SOX6: variants seen among roughly 807,000 people sequenced by gnomAD.
SOX6 encodes the protein SRY-box transcription factor 6.
In SOX6, 11 loss-of-function variants were observed where a neutral mutation model predicts 97.8. The ratio of observed to expected loss-of-function variants is 0.11; its 90% CI spans 0.07 to 0.19. The LOEUF (loss-of-function observed/expected upper bound fraction) is 0.19. SOX6 is among the 10% of genes least tolerant of loss of function. The probability of loss-of-function intolerance (pLI) is 1.00; values close to 1 mark genes in which losing one functional copy is unlikely to be tolerated. For synonymous variants in SOX6, 360 were observed against 371.4 expected (o/e 0.97, Z 0.35); for missense variants, 810 against 1,039.5 (o/e 0.78, Z 3.04).
Position 16,149,355 on chromosome 11 carries a change from A to G in SOX6, c.777+34531T>C, listed in dbSNP as rs374141119. ...CTTGGCAGCTGAACCAGCAGAAAAAAAAATATGCAATAAACAGATTTCCAA... is the reference window on the plus strand; with the variant it reads ...CTTGGCAGCTGAACCAGCAGAAAAAGAAATATGCAATAAACAGATTTCCAA... On this transcript the variant is annotated intron_variant, in intron 6 of 15. Transcript: ENST00000683767. 6.5e-4 allele frequency among the ~76,000 whole-genome samples: 99 copies of G among 152,278 alleles called. 1 individual carries two copies. The South Asian group carries it at 0.017, about 26-fold the overall frequency.
chr11:16,209,122 T>A (rs940212303), intron 4 of SOX6, among the ~76,000 whole-genome samples: 1 of 152,210 alleles, frequency 6.6e-6, no homozygotes, highest in African/African-American at 2.4e-5. Flanking sequence ...AATTGTAACA[T>A]AATGCCACTC....
At chr11:16,622,325 A>G (rs1005913973) in intron 3 of SOX6, among the ~76,000 whole-genome samples, 2 of 152,220 alleles carry the variant, frequency 1.3e-5, no homozygotes, top group African/African-American at 2.4e-5. Context: ...GGTTACATGA[A>G]TAAGTTCTTT....
chr11:16,539,991 C>T (rs1245168665), intron 4 of SOX6, among the ~76,000 whole-genome samples: 4 of 152,138 alleles, frequency 2.6e-5, no homozygotes, highest in African/African-American at 7.2e-5. Flanking sequence ...CATCCTGATG[C>T]CAAAGCTTGG....
At chr11:16,086,525 C>G (rs1848581851) in intron 9 of SOX6, among the ~76,000 whole-genome samples, 1 of 152,240 alleles carries the variant, frequency 6.6e-6, no homozygotes, top group Admixed American at 6.5e-5. Flanking sequence ...GCGCTCCATC[C>G]CAGTATGGTC....
At chr11:16,107,231 C>T (rs1564958234) in intron 7 of SOX6, among the ~76,000 whole-genome samples, 1 of 151,716 alleles carries the variant, frequency 6.6e-6, no homozygotes, top group South Asian at 2.1e-4. Context: ...ATTAATTCAA[C>T]TCACAGGTAT....
intron 13 of SOX6, among the ~76,000 whole-genome samples, chr11:15,992,422 G>A (rs991265168): frequency 1.2e-4 from 18 of 152,118 alleles, no homozygotes; most frequent in African/African-American, 4.3e-4. Flanking sequence ...ATGTTTTCCT[G>A]TTTTTCCTTC....
chr11:16,514,420 A>G (rs964838587), intron 4 of SOX6, among the ~76,000 whole-genome samples: 7 of 152,276 alleles, frequency 4.6e-5, no homozygotes, highest in African/African-American at 1.7e-4. Flanking sequence ...AAAGAAGTGC[A>G]TGATCTTGCT....
chr11:16,509,813 A>G (rs1860849883), intron 4 of SOX6, among the ~76,000 whole-genome samples: 1 of 152,060 alleles, frequency 6.6e-6, no homozygotes, highest in Non-Finnish European at 1.5e-5. Flanking sequence ...CATTTATGCA[A>G]AAGTAAAATG....
At chr11:16,736,407 T>C (rs1848391619) in exon 2 of SOX6, 1 of 152,238 alleles carries the variant, frequency 6.6e-6, no homozygotes, top group Non-Finnish European at 1.5e-5. Flanking sequence ...ATTTCCTATG[T>C]TACTTTTTCG....
chr11:16,147,478 G>A (rs1211698568), intron 6 of SOX6, among the ~76,000 whole-genome samples: 1 of 152,116 alleles, frequency 6.6e-6, no homozygotes, highest in Admixed American at 6.6e-5. Context: ...TTGTGCACAT[G>A]TACCCTAGAA....
chr11:16,615,512 A>T (rs1358642275), intron 3 of SOX6, among the ~76,000 whole-genome samples: 1 of 152,214 alleles, frequency 6.6e-6, no homozygotes, highest in Non-Finnish European at 1.5e-5. Flanking sequence ...ATTATTTTTA[A>T]TCAAAAATTC....
At chr11:16,349,756 G>GAAGT (rs1856886862) in intron 1 of SOX6, among the ~76,000 whole-genome samples, 2 of 148,844 alleles carry the variant, frequency 1.3e-5, no homozygotes, top group Non-Finnish European at 3.0e-5. Context: ...AGGAAGGAAG[G>GAAGT]AAGGGAAGGA....
intron 3 of SOX6, among the ~76,000 whole-genome samples, chr11:16,628,762 A>G (rs1258363417): frequency 6.6e-6 from 1 of 152,124 alleles, no homozygotes; most frequent in Non-Finnish European, 1.5e-5. Flanking sequence ...TGAGCATGAA[A>G]TGTTTTTCCA....
At chr11:16,312,427 G>A (rs1213169501) in intron 3 of SOX6, 2 of 152,090 alleles carry the variant, frequency 1.3e-5, no homozygotes, top group African/African-American at 4.8e-5. Context: ...CTCGGCCTAG[G>A]ATCATATACT....
At chr11:16,374,315 T>C (rs1857585629) in intron 1 of SOX6, among the ~76,000 whole-genome samples, 1 of 152,094 alleles carries the variant, frequency 6.6e-6, no homozygotes, top group Admixed American at 6.6e-5. Flanking sequence ...TTTAGCTCAT[T>C]AGAATCTCTG....
intron 3 of SOX6, among the ~76,000 whole-genome samples, chr11:16,631,005 C>T (rs1271945222): frequency 6.6e-6 from 1 of 151,222 alleles, no homozygotes; most frequent in East Asian, 2.0e-4. Context: ...GTCTTCAAGA[C>T]AGCAGACAGA....
chr11:16,130,909 T>C (rs962152806), intron 6 of SOX6, among the ~76,000 whole-genome samples: 4 of 151,894 alleles, frequency 2.6e-5, no homozygotes, highest in African/African-American at 9.7e-5. Flanking sequence ...TATAAATAGG[T>C]ATCTGTAAAG....
At chr11:16,608,380 C>A (rs1848360113) in intron 4 of SOX6, among the ~76,000 whole-genome samples, 1 of 151,118 alleles carries the variant, frequency 6.6e-6, no homozygotes, top group Non-Finnish European at 1.5e-5. Flanking sequence ...AGTCACGAGA[C>A]AAACGGAGAA....
intron 1 of SOX6, among the ~76,000 whole-genome samples, chr11:16,475,198 T>C (rs547812151): frequency 6.6e-6 from 1 of 152,316 alleles, no homozygotes; most frequent in Admixed American, 6.5e-5. Context: ...TTTCTCCATA[T>C]CAGCAATAAG....
Sources: allele counts gnomAD v4.1 joint callset (sites outside exome capture counted in the v4.1 genomes callset), GRCh38; gene constraint gnomAD v4.1.1; transcripts MANE v1.5; gene names NCBI Gene and HGNC (gene_info 2026-07-23, HGNC 2026-07-21).